MACF1: variants seen among roughly 807,000 people sequenced by gnomAD.
The protein encoded by MACF1 is microtubule-actin cross-linking factor 1.
In MACF1, 193 loss-of-function variants were observed where a neutral mutation model predicts 854.8. The ratio of observed to expected loss-of-function variants is 0.23; its 90% CI spans 0.20 to 0.25. MACF1 has a LOEUF of 0.25. Among genes scored for constraint, MACF1 ranks in the 10% least tolerant of loss-of-function variants. The pLI, the probability that MACF1 is intolerant of heterozygous loss-of-function variation, is 1.00. For synonymous variants in MACF1, 3,185 were observed against 3,226.7 expected, an observed-to-expected ratio of 0.99 and a Z score of 0.44; for missense variants, 7,722 against 8,929.1, an observed-to-expected ratio of 0.86 and a Z score of 5.45.
chr1:39,268,749 C>G, intron 6 of MACF1: 7 of 1,288,982 alleles, frequency 5.4e-6, no homozygotes, highest in Non-Finnish European at 7.1e-6. Context: ...AATAGCTATT[C>G]CTGAGAAGGC....
chr1:39,307,807 C>T (rs1052638965), intron 23 of MACF1, among the ~76,000 whole-genome samples: 19 of 151,366 alleles, frequency 1.3e-4, no homozygotes, highest in African/African-American at 4.1e-4. Flanking sequence ...CTCCTGACCT[C>T]GTGGTTCACC....
At chr1:39,411,283 A>G in intron 58 of MACF1, 1 of 1,614,028 alleles carries the variant, frequency 6.2e-7, no homozygotes, top group Non-Finnish European at 8.5e-7. Flanking sequence ...GGAGGAAGAG[A>G]AACTGTCAGA....
intron 2 of MACF1, among the ~76,000 whole-genome samples, chr1:39,101,154 C>CA (rs1642065003): frequency 6.6e-6 from 1 of 150,390 alleles, no homozygotes; most frequent in African/African-American, 2.4e-5. Flanking sequence ...GTCAGGACTT[C>CA]AAGACTAGCC....
chr1:39,331,851 G>T lies in MACF1; in HGVS notation c.5263G>T (p.Gly1755Trp). 6.2e-7 allele frequency: 1 copy of T among 1,614,138 alleles called. No individual in the cohort carries two copies. The highest frequency in any genetic ancestry group is 8.5e-7 in the Non-Finnish European group (1 of 1,180,030). The change falls in exon 37 of 101, where the codon GGG becomes TGG. Residue 1755 changes from glycine to tryptophan, a missense_variant. Transcript: ENST00000564288. The stretch of plus-strand genomic sequence containing the variant: ...TAGCATTTTCCGTGCAGTTCAGGAA[G>T]GGCTAATAGATAGGCAGGTCACTGT... ...KVSIFRAVQEGLIDRQVTVRL... is the reference protein window; with the variant it reads ...KVSIFRAVQEWLIDRQVTVRL...
Position 39,461,856 on chromosome 1 carries a change from TTTCAAAATATGA to T in MACF1, c.21524-23_21524-12del. 1 of 1,593,776 alleles carries T rather than the reference TTTCAAAATATGA, an allele frequency of 6.3e-7. No homozygotes were observed. Among genetic ancestry groups the T allele is most frequent in the Non-Finnish European group, 8.6e-7 (1 of 1,166,594 alleles). On this transcript the variant is annotated splice_polypyrimidine_tract_variant and intron_variant, in intron 92 of 100. Coordinates refer to ENST00000564288, the MANE Select transcript of MACF1 (RefSeq NM_001394062.1). ...AACCGAACAAGTACCCCTCTTAATGTTTCAAAATATGATTCCTTTTCTCCAGAGTTCCCCACC... is the reference window on the plus strand; with the variant it reads ...AACCGAACAAGTACCCCTCTTAATGTTTCCTTTTCTCCAGAGTTCCCCACC...
Position 39,332,080 on chromosome 1 carries a change from A to T in MACF1, c.5492A>T (p.Asp1831Val), listed in dbSNP as rs112594324. The change falls in exon 37 of 101, where the codon GAT (aspartate) becomes GTT (valine). Residue 1831 changes from aspartate to valine, a missense_variant. Around this residue, in one of 15 missense-constraint regions of MACF1, gnomAD observed 1,531 missense variants for 1,601.6 expected, o/e 0.96. Transcript: ENST00000564288. The stretch of plus-strand genomic sequence containing the variant: ...ACAATAGATGAAGCAGTGAGCAATG[A>T]TCTAGTAGCTGCTAAGATCGCCCTT... ...RLTIDEAVSN[D>V]LVAAKIALVI... The T allele has an allele frequency of 6.2e-7, 1 of 1,614,110 alleles. No homozygotes were observed.
intron 70 of MACF1, chr1:39,436,108 A>G (rs1310635378): frequency 5.0e-6 from 2 of 399,628 alleles, no homozygotes; most frequent in African/African-American, 2.1e-5. Context: ...TGAACCTGTT[A>G]CTTTTTTGCT....
At chr1:39,282,425 G>T in intron 7 of MACF1, 51 bp downstream of exon 7, 1 of 1,549,966 alleles carries the variant, frequency 6.5e-7, no homozygotes, top group Non-Finnish European at 8.8e-7. Context: ...CTCATCTCTT[G>T]TTTGTAATTA....
intron 2 of MACF1, among the ~76,000 whole-genome samples, chr1:39,182,964 A>C (rs1302766087): frequency 2.0e-5 from 3 of 152,240 alleles, no homozygotes; most frequent in Admixed American, 1.3e-4. Context: ...AACATCTATC[A>C]ACTGATGAAT....
chr1:39,291,585 A>G (rs1488703338), intron 15 of MACF1, among the ~76,000 whole-genome samples: 1 of 152,238 alleles, frequency 6.6e-6, no homozygotes, highest in Non-Finnish European at 1.5e-5. Context: ...AAGACTCCAT[A>G]AAGAGAAATG....
chr1:39,340,040 T>A (rs925297230), intron 38 of MACF1, among the ~76,000 whole-genome samples: 2 of 152,334 alleles, frequency 1.3e-5, no homozygotes, highest in African/African-American at 4.8e-5. Flanking sequence ...GTTAGCTTTG[T>A]ATTCTTTGGT....
chr1:39,336,505 C>T lies in MACF1; in HGVS notation c.9917C>T (p.Ser3306Phe), dbSNP rs750623558. Reference protein sequence around the residue: ...VLETSEEKTVSLTVCSAVKTE... With the variant: ...VLETSEEKTVFLTVCSAVKTE... Reference sequence around the variant, plus strand: ...GAGACCAGTGAAGAAAAGACAGTGTCCCTAACAGTATGCTCTGCAGTGAAG... The same window carrying T: ...GAGACCAGTGAAGAAAAGACAGTGTTCCTAACAGTATGCTCTGCAGTGAAG... The change falls in exon 37 of 101, where the codon TCC becomes TTC. Residue 3306 changes from serine to phenylalanine, a missense_variant. Transcript: ENST00000564288. The T allele has an allele frequency of 3.1e-6, 5 of 1,614,008 alleles. No individual in the cohort carries two copies. The highest frequency in any genetic ancestry group is 2.2e-5 in the South Asian group (2 of 91,080).
chr1:39,327,162 G>A, intron 35 of MACF1, 56 bp from the exon 36 acceptor site: 1 of 1,490,384 alleles, frequency 6.7e-7, no homozygotes, highest in Non-Finnish European at 9.1e-7. Context: ...CAATAGAGCA[G>A]AGTTTGGAGA....
At chr1:39,186,170 A>ATCTCTCTCTCTC (rs55658204) in intron 2 of MACF1, among the ~76,000 whole-genome samples, 48 of 109,944 alleles carry the variant, frequency 4.4e-4, no homozygotes, top group East Asian at 1.2e-3. Flanking sequence ...GATTCTGAAC[A>ATCTCTCTCTCTC]TCTCTCTCTC....
At chr1:39,187,850 C>CTCTCTCTG (rs1644193578) in intron 2 of MACF1, among the ~76,000 whole-genome samples, 2 of 106,312 alleles carry the variant, frequency 1.9e-5, no homozygotes, top group Non-Finnish European at 3.8e-5. Context: ...GGCTGTCTTT[C>CTCTCTCTG]TCTCTCTCTC....
intron 2 of MACF1, among the ~76,000 whole-genome samples, chr1:39,155,341 TGG>T (rs1272217310): frequency 6.6e-6 from 1 of 152,234 alleles, no homozygotes; most frequent in African/African-American, 2.4e-5. Flanking sequence ...TTAGTTCAAG[TGG>T]TTAAGTCAGT....
At chr1:39,248,096 C>T (rs551999764) in intron 2 of MACF1, among the ~76,000 whole-genome samples, 29 of 152,284 alleles carry the variant, frequency 1.9e-4, no homozygotes, top group African/African-American at 7.0e-4. Flanking sequence ...AGTTGTATAA[C>T]GTACCTGTCA....
rs1466343484 is a variant in MACF1 at position 39,335,441 on chromosome 1, T to C, written c.8853T>C (p.Cys2951=). The stretch of plus-strand genomic sequence containing the variant: ...TTTTGGAAGTACAAGAAACATATTG[T>C]GAAACGTCAGGCAAATTGCCGAGTG... ...EVILEVQETY[C]ETSGKLPSEQ... The change falls in exon 37 of 101, where the codon TGT becomes TGC. Residue 2951 remains cysteine (C), a synonymous_variant. Transcript: ENST00000564288. 6.2e-7 allele frequency: 1 copy of C among 1,614,064 alleles called. No homozygotes were observed. Among genetic ancestry groups the C allele is most frequent in the Non-Finnish European group, 8.5e-7 (1 of 1,180,028 alleles).
At chr1:39,385,257 G>A (rs1650581598) in intron 56 of MACF1, among the ~76,000 whole-genome samples, 177 bp from the exon 57 acceptor site, 2 of 152,028 alleles carry the variant, frequency 1.3e-5, no homozygotes. Flanking sequence ...TAGTAGAGAC[G>A]GGGTTTCGCC....
Sources: allele counts gnomAD v4.1 joint callset (sites outside exome capture counted in the v4.1 genomes callset), GRCh38; gene constraint gnomAD v4.1.1; regional missense constraint gnomAD v4.1.1; transcripts MANE v1.5; gene names NCBI Gene and HGNC (gene_info 2026-07-23, HGNC 2026-07-21).